CPVL: variants seen among roughly 807,000 people sequenced by gnomAD.
The protein encoded by CPVL is probable serine carboxypeptidase CPVL.
Under a neutral mutation model 63.7 loss-of-function variants are expected in CPVL, and 51 were observed. The ratio of observed to expected loss-of-function variants is 0.80; its 90% confidence interval spans 0.64 to 1.01. CPVL has a LOEUF of 1.01. Ranked by LOEUF, CPVL falls within the 50% of genes least tolerant of loss-of-function variation. The probability of loss-of-function intolerance (pLI) is 0.00; values close to 1 mark genes in which losing one functional copy is unlikely to be tolerated. For synonymous variants in CPVL, 195 were observed against 206.0 expected (o/e 0.95, Z 0.46); for missense variants, 530 against 573.1 (o/e 0.92, Z 0.77).
At chr7:29,195,012 G>T in intron 1 of CPVL, 1 of 1,581,702 alleles carries the variant, frequency 6.3e-7, no homozygotes, top group Non-Finnish European at 8.6e-7. Context: ...CCCGTCGGGC[G>T]CTGCTGCCGC....
intron 11 of CPVL, among the ~76,000 whole-genome samples, chr7:29,049,560 G>C (rs188944774): frequency 7.2e-5 from 11 of 152,204 alleles, no homozygotes; most frequent in Admixed American, 5.9e-4. Context: ...GAACCAGATA[G>C]ATTTACACAG....
chr7:28,996,559 AAAAAC>A (rs1298479994), intron 12 of CPVL, among the ~76,000 whole-genome samples: 2 of 151,908 alleles, frequency 1.3e-5, no homozygotes, highest in African/African-American at 2.4e-5. Context: ...CAAAAAAAAA[AAAAAC>A]AAAACAAAAA....
intron 6 of CPVL, among the ~76,000 whole-genome samples, chr7:29,087,856 C>T (rs1045494114): frequency 3.9e-5 from 6 of 152,138 alleles, no homozygotes; most frequent in African/African-American, 9.7e-5. Flanking sequence ...TGTAGAGTTT[C>T]GGTGTATTTC....
chr7:28,996,011 G>T, intron 12 of CPVL, 129 bp from the exon 13 acceptor site: 1 of 546,516 alleles, frequency 1.8e-6, no homozygotes, highest in African/African-American at 2.0e-5. Flanking sequence ...CCCAATGCAT[G>T]CCTTTGGACA....
intron 4 of CPVL, among the ~76,000 whole-genome samples, chr7:29,183,096 T>C (rs1042127230): frequency 2.0e-5 from 3 of 151,834 alleles, no homozygotes; most frequent in Admixed American, 6.6e-5. Flanking sequence ...TTTTTTTTTT[T>C]TTTTTGAAAC....
intron 5 of CPVL, among the ~76,000 whole-genome samples, chr7:29,093,427 G>C (rs2128607209): frequency 6.7e-6 from 1 of 149,014 alleles, no homozygotes; most frequent in African/African-American, 2.5e-5. Flanking sequence ...TGAAGAAAAA[G>C]GTAGTTGTAC....
chr7:29,140,227 C>T (rs1329814827), intron 1 of CPVL, among the ~76,000 whole-genome samples: 1 of 152,126 alleles, frequency 6.6e-6, no homozygotes, highest in Non-Finnish European at 1.5e-5. Flanking sequence ...ATTATTTGAG[C>T]CTAGGAGTTC....
At chr7:28,997,532 T>TA (rs2128121452) in intron 12 of CPVL, among the ~76,000 whole-genome samples, 1 of 152,368 alleles carries the variant, frequency 6.6e-6, no homozygotes, top group South Asian at 2.1e-4. Context: ...AGCTCGCAGC[T>TA]ATACAAGCTG....
At chr7:29,155,213 A>T (rs1794186483) in intron 5 of CPVL, among the ~76,000 whole-genome samples, 1 of 152,160 alleles carries the variant, frequency 6.6e-6, no homozygotes, top group Admixed American at 6.5e-5. Context: ...AATAAATGAA[A>T]ATAAAGAAGT....
chr7:29,097,949 G>A (rs565143904), intron 3 of CPVL, among the ~76,000 whole-genome samples: 41 of 152,212 alleles, frequency 2.7e-4, no homozygotes, highest in African/African-American at 9.2e-4. Context: ...AGGCACAGTC[G>A]CCAGGCGAAT....
At chr7:29,068,844 G>A (rs767339002) in intron 9 of CPVL, among the ~76,000 whole-genome samples, 30 of 151,634 alleles carry the variant, frequency 2.0e-4, no homozygotes, top group Non-Finnish European at 3.2e-4. Flanking sequence ...ACAGGCGCCC[G>A]CCACTACGCC....
In CPVL at chr7:29,071,894, C is replaced by T. The variant is rs1783780662; in HGVS notation, c.743G>A (p.Gly248Asp). ...AATTTGGTACAGGAATTCTGCATAG[C>T]CCCCTATAATCTGAGGACAAAAAAG... ...GYSDPESIIG[G>D]YAEFLYQIGL... is the part of the protein sequence containing the mutation. Residue 248 changes from glycine to aspartate, a missense_variant, in exon 9 of 13, where the codon GGC becomes GAC. Gly to Asp is a moderately conservative substitution (Grantham distance 94, BLOSUM62 -1). Transcript: ENST00000265394. The T allele has an allele frequency of 6.2e-7, 1 of 1,614,064 alleles. No homozygotes were observed. The highest frequency in any genetic ancestry group is 8.5e-7 in the Non-Finnish European group (1 of 1,179,976).
chr7:29,132,512 C>T (rs1264039808), intron 1 of CPVL, among the ~76,000 whole-genome samples: 1 of 152,118 alleles, frequency 6.6e-6, no homozygotes, highest in Non-Finnish European at 1.5e-5. Flanking sequence ...GTTGGGCTCA[C>T]CTCACTCCCC....
At chr7:29,171,444 G>A (rs542224298) in intron 5 of CPVL, among the ~76,000 whole-genome samples, 5 of 152,252 alleles carry the variant, frequency 3.3e-5, no homozygotes, top group Non-Finnish European at 5.9e-5. Context: ...TAGAAGGAGC[G>A]CCACACCTCA....
At chr7:29,012,186 T>C (rs1785917349) in intron 12 of CPVL, 1 of 150,684 alleles carries the variant, frequency 6.6e-6, no homozygotes, top group Non-Finnish European at 1.5e-5. Flanking sequence ...ACTTTTTTTT[T>C]CTTTGCTTTG....
chr7:29,030,899 G>A (rs1787961497), intron 11 of CPVL, 140 bp from the exon 12 acceptor site: 1 of 727,730 alleles, frequency 1.4e-6, no homozygotes, highest in African/African-American at 1.8e-5. Flanking sequence ...TAGCCATAAA[G>A]AATAACAATC....
At chr7:29,031,889 CAACTAT>C (rs1187946225) in intron 11 of CPVL, among the ~76,000 whole-genome samples, 8 of 152,136 alleles carry the variant, frequency 5.3e-5, no homozygotes, top group African/African-American at 1.9e-4. Flanking sequence ...ATGTATATCA[CAACTAT>C]AACTATAAAA....
chr7:29,072,542 G>T, intron 7 of CPVL, 119 bp from the exon 8 acceptor site: 1 of 1,117,784 alleles, frequency 8.9e-7, no homozygotes, highest in Non-Finnish European at 1.3e-6. Flanking sequence ...TATACCATCT[G>T]TTTCTTAACC....
upstream of CPVL, among the ~76,000 whole-genome samples, chr7:29,147,860 C>T (rs942665434): frequency 6.6e-6 from 1 of 152,164 alleles, no homozygotes; most frequent in African/African-American, 2.4e-5. Flanking sequence ...ACCTTCCTAC[C>T]TAGACAAATA....
Sources: allele counts gnomAD v4.1 joint callset (sites outside exome capture counted in the v4.1 genomes callset), GRCh38; gene constraint gnomAD v4.1.1; transcripts MANE v1.5; gene names NCBI Gene and HGNC (gene_info 2026-07-23, HGNC 2026-07-21).